TRIM5: variants seen among roughly 807,000 people sequenced by gnomAD.
TRIM5 encodes the protein tripartite motif-containing protein 5.
A neutral mutation model predicts 35.6 loss-of-function variants in TRIM5; 31 were observed. The observed-to-expected ratio is 0.87, with a 90% confidence interval of 0.65 to 1.18. TRIM5 has a LOEUF of 1.18. TRIM5 is among the 50% of genes most tolerant of loss of function. TRIM5 has a pLI of 0.00. For missense variants in TRIM5, 609 were observed against 591.6 expected (o/e 1.03, Z -0.31); for synonymous variants, 243 against 215.6 (o/e 1.13, Z -1.11).
the TRIM5 span, among the ~76,000 whole-genome samples, chr11:5,637,879 C>T: frequency 6.6e-6 from 1 of 152,208 alleles, no homozygotes; most frequent in African/African-American, 2.4e-5. Context: ...GGGTCTGTTG[C>T]ATAATGCTAG....
At position 5,664,983 on chromosome 11, in the gene TRIM5, A is replaced by C. The variant is rs148933048; in HGVS notation, c.1308T>G (p.Asp436Glu). The C allele has an allele frequency of 3.1e-4, 501 of 1,614,186 alleles. 1 individual carries two copies. Among genetic ancestry groups the C allele is most frequent in the Non-Finnish European group, 4.0e-4 (473 of 1,180,028 alleles). The change falls in exon 8 of 8, where the codon GAT becomes GAG. Residue 436 changes from aspartate (D) to glutamate (E), a missense_variant. Coordinates refer to ENST00000380034, the MANE Select transcript of TRIM5 (RefSeq NM_033034.3). Reference protein sequence around the residue: ...IVPLSVIICPDRVGVFLDYEA... With the variant: ...IVPLSVIICPERVGVFLDYEA... ...CATAGTCTAGGAAAACTCCAACACG[A>C]TCAGGACAAATAATCACAGAGAGGG... is the stretch of plus-strand genomic sequence containing the variant.
At chr11:5,635,324 C>T in the TRIM5 span, among the ~76,000 whole-genome samples, 1 of 148,084 alleles carries the variant, frequency 6.8e-6, no homozygotes, top group Non-Finnish European at 1.5e-5. Flanking sequence ...GGTGCGATCT[C>T]GGCTCACTGC....
At chr11:5,674,008 C>T (rs1331637299) in intron 4 of TRIM5, among the ~76,000 whole-genome samples, 3 of 151,086 alleles carry the variant, frequency 2.0e-5, no homozygotes, top group East Asian at 1.9e-4. Flanking sequence ...AAAAACTCAA[C>T]GAAAAAGATG....
chr11:5,590,041 G>A, the TRIM5 span: 14 of 158,188 alleles, frequency 8.9e-5, no homozygotes, highest in Non-Finnish European at 1.5e-4. Flanking sequence ...TGCGGAGGGT[G>A]TACTGGGTCC....
At chr11:5,590,523 C>T in the TRIM5 span, 1 of 152,298 alleles carries the variant, frequency 6.6e-6, no homozygotes, top group African/African-American at 2.4e-5. Flanking sequence ...CTTGGAGAAC[C>T]TTTGTATGGA....
the TRIM5 span, among the ~76,000 whole-genome samples, chr11:5,592,418 G>A: frequency 1.3e-5 from 2 of 152,124 alleles, no homozygotes; most frequent in Admixed American, 1.3e-4. Flanking sequence ...CCCAAGAGAG[G>A]TTAAGTAACT....
At chr11:5,617,355 A>G in the TRIM5 span, among the ~76,000 whole-genome samples, 2 of 145,080 alleles carry the variant, frequency 1.4e-5, no homozygotes, top group South Asian at 2.3e-4. Flanking sequence ...CTGAAAGTCA[A>G]CACATACATT....
At chr11:5,623,258 T>C in the TRIM5 span, among the ~76,000 whole-genome samples, 1 of 152,086 alleles carries the variant, frequency 6.6e-6, no homozygotes, top group African/African-American at 2.4e-5. Flanking sequence ...ACTATCTAAA[T>C]GTATTAGTTA....
chr11:5,667,979 T>G (rs962960937), intron 4 of TRIM5, among the ~76,000 whole-genome samples: 3 of 152,176 alleles, frequency 2.0e-5, no homozygotes, highest in African/African-American at 4.8e-5. Context: ...GGAAAAGAAG[T>G]GACTGACAAT....
chr11:5,632,463 G>C, the TRIM5 span: 1 of 1,614,074 alleles, frequency 6.2e-7, no homozygotes, highest in Non-Finnish European at 8.5e-7. Flanking sequence ...TGAGCAACAA[G>C]GAGGCAGTGA....
At chr11:5,634,528 C>CAT in the TRIM5 span, 205 of 537,034 alleles carry the variant, frequency 3.8e-4, 1 homozygote, top group African/African-American at 3.4e-3. Flanking sequence ...CACACACACA[C>CAT]ACATATATAT....
At chr11:5,682,656 C>T (rs1852582375) in intron 1 of TRIM5, among the ~76,000 whole-genome samples, 1 of 152,200 alleles carries the variant, frequency 6.6e-6, no homozygotes, top group African/African-American at 2.4e-5. Flanking sequence ...AACTGACAAT[C>T]CCTAATTGCC....
chr11:5,617,613 C>T, the TRIM5 span, among the ~76,000 whole-genome samples: 3 of 141,932 alleles, frequency 2.1e-5, no homozygotes, highest in Non-Finnish European at 3.1e-5. Flanking sequence ...CTCGGCCTCC[C>T]GAGTAGCTGG....
chr11:5,600,309 T>C, the TRIM5 span, among the ~76,000 whole-genome samples: 1 of 152,216 alleles, frequency 6.6e-6, no homozygotes, highest in Non-Finnish European at 1.5e-5. Flanking sequence ...TGTGGAATTA[T>C]TGAGTTATTA....
At chr11:5,625,548 G>A in the TRIM5 span, among the ~76,000 whole-genome samples, 1 of 152,122 alleles carries the variant, frequency 6.6e-6, no homozygotes, top group Non-Finnish European at 1.5e-5. Flanking sequence ...ATGGGAGCAC[G>A]GCCAGGGGTT....
the TRIM5 span, among the ~76,000 whole-genome samples, chr11:5,628,806 A>AT: frequency 5.3e-3 from 794 of 149,474 alleles, 6 homozygotes; most frequent in African/African-American, 0.018. Context: ...GGCAAAGTTG[A>AT]TTTTTTTTTT....
chr11:5,617,486 CTTTTTTTT>C, the TRIM5 span, among the ~76,000 whole-genome samples: 2 of 107,476 alleles, frequency 1.9e-5, 1 homozygote, highest in Non-Finnish European at 3.9e-5. Flanking sequence ...TGGACTCAAT[CTTTTTTTT>C]TTTTTTTTTT....
chr11:5,589,427 T>C, the TRIM5 span: 1 of 152,144 alleles, frequency 6.6e-6, no homozygotes, highest in East Asian at 1.9e-4. Context: ...TTGATGATTC[T>C]GTTGTGGATG....
chr11:5,596,200 T>C, the TRIM5 span: 1 of 152,344 alleles, frequency 6.6e-6, no homozygotes, highest in East Asian at 1.9e-4. Context: ...GCAAGTTTAT[T>C]TTCTGGCCAG....
Sources: allele counts gnomAD v4.1 joint callset (sites outside exome capture counted in the v4.1 genomes callset), GRCh38; gene constraint gnomAD v4.1.1; transcripts MANE v1.5; gene names NCBI Gene and HGNC (gene_info 2026-07-23, HGNC 2026-07-21).